The following COL24A1 variants were observed in gnomAD, a reference collection of about 807,000 sequenced individuals.
COL24A1 encodes the protein collagen type XXIV alpha 1 chain.
In COL24A1, 224 loss-of-function variants were observed where a neutral mutation model predicts 253.9. The ratio of observed to expected loss-of-function variants is 0.88; its 90% confidence interval spans 0.79 to 0.99. The LOEUF (loss-of-function observed/expected upper bound fraction) is 0.99. Among genes scored for constraint, COL24A1 ranks in the 50% least tolerant of loss-of-function variants. The probability of loss-of-function intolerance (pLI) is 0.00; values close to 1 mark genes in which losing one functional copy is unlikely to be tolerated. For missense variants in COL24A1, 2,131 were observed against 2,068.5 expected (o/e 1.03, Z -0.59); for synonymous variants, 685 against 673.7 (o/e 1.02, Z -0.26).
intron 22 of COL24A1, among the ~76,000 whole-genome samples, chr1:85,965,470 C>T (rs1161070128): frequency 1.3e-5 from 2 of 152,028 alleles, no homozygotes; most frequent in East Asian, 1.9e-4. Context: ...AGGAAAGAAG[C>T]CCTCACCGAA....
At chr1:85,885,377 GTA>G (rs1553213698) in intron 32 of COL24A1, among the ~76,000 whole-genome samples, 36 of 135,946 alleles carry the variant, frequency 2.6e-4, no homozygotes, top group Admixed American at 2.0e-3. Flanking sequence ...ATTTTTGTGT[GTA>G]TATATATATA....
chr1:85,832,410 C>A (rs1307425922), intron 43 of COL24A1, among the ~76,000 whole-genome samples: 1 of 151,948 alleles, frequency 6.6e-6, no homozygotes, highest in African/African-American at 2.4e-5. Flanking sequence ...GCAATGTGGG[C>A]TCTTTTTTGG....
At chr1:85,987,542 A>T in intron 20 of COL24A1, 59 bp downstream of exon 20, 1 of 1,389,072 alleles carries the variant, frequency 7.2e-7, no homozygotes, top group African/African-American at 1.4e-5. Context: ...CCATTTATTG[A>T]GAATCAGGAG....
intron 20 of COL24A1, among the ~76,000 whole-genome samples, chr1:85,986,385 G>A (rs1259442395): frequency 6.6e-6 from 1 of 151,560 alleles, no homozygotes; most frequent in Admixed American, 6.6e-5. Flanking sequence ...TGACATAAGA[G>A]GTATCTTTTT....
intron 47 of COL24A1, among the ~76,000 whole-genome samples, chr1:85,798,066 G>T (rs1671015848): frequency 6.6e-6 from 1 of 151,956 alleles, no homozygotes; most frequent in African/African-American, 2.4e-5. Context: ...ATGTGGTGGT[G>T]CATGCCTGTA....
chr1:85,923,916 C>G (rs901432094), intron 24 of COL24A1, among the ~76,000 whole-genome samples: 18 of 152,080 alleles, frequency 1.2e-4, no homozygotes, highest in African/African-American at 3.4e-4. Context: ...AATTGATAGA[C>G]TGCTAGCAAG....
At chr1:86,015,329 G>T (rs1018663803) in intron 19 of COL24A1, among the ~76,000 whole-genome samples, 1 of 152,146 alleles carries the variant, frequency 6.6e-6, no homozygotes, top group African/African-American at 2.4e-5. Context: ...AAATGCTGGG[G>T]CTCAGGACCT....
intron 7 of COL24A1, among the ~76,000 whole-genome samples, chr1:86,073,320 G>A (rs1265684989): frequency 2.6e-5 from 4 of 152,096 alleles, no homozygotes; most frequent in Non-Finnish European, 5.9e-5. Context: ...CAAGAACTTG[G>A]TGAAGCATAG....
chr1:85,848,745 C>T (rs1476968084), intron 38 of COL24A1, among the ~76,000 whole-genome samples: 1 of 152,138 alleles, frequency 6.6e-6, no homozygotes, highest in Non-Finnish European at 1.5e-5. Context: ...CTACTGTGAA[C>T]ACAGTTGGAC....
intron 19 of COL24A1, among the ~76,000 whole-genome samples, chr1:86,016,543 T>C (rs1249721918): frequency 1.3e-5 from 2 of 152,196 alleles, no homozygotes; most frequent in African/African-American, 4.8e-5. Context: ...TTTTTGAAAC[T>C]AGAGTGAGCT....
chr1:85,799,105 G>A (rs977304490), intron 47 of COL24A1, among the ~76,000 whole-genome samples: 2 of 151,770 alleles, frequency 1.3e-5, no homozygotes, highest in Non-Finnish European at 2.9e-5. Flanking sequence ...CACAGGCAAC[G>A]GTGAGCCTCC....
chr1:85,818,948 A>G (rs1252532103), intron 45 of COL24A1, among the ~76,000 whole-genome samples: 1 of 152,252 alleles, frequency 6.6e-6, no homozygotes, highest in Non-Finnish European at 1.5e-5. Flanking sequence ...CAAAGAAACA[A>G]CTTCAAAAGA....
At chr1:86,148,767 G>C (rs1208405144) in intron 1 of COL24A1, among the ~76,000 whole-genome samples, 3 of 152,060 alleles carry the variant, frequency 2.0e-5, no homozygotes, top group Non-Finnish European at 4.4e-5. Flanking sequence ...CATTTGGGTT[G>C]GTTCCAAGTC....
chr1:85,965,943 C>T (rs760035974), intron 22 of COL24A1, among the ~76,000 whole-genome samples: 1 of 152,124 alleles, frequency 6.6e-6, no homozygotes, highest in Non-Finnish European at 1.5e-5. Flanking sequence ...AGGACTTTGA[C>T]TTTTAACTGA....
At chr1:85,949,312 C>T (rs1413278611) in intron 24 of COL24A1, among the ~76,000 whole-genome samples, 3 of 152,064 alleles carry the variant, frequency 2.0e-5, no homozygotes, top group Admixed American at 6.5e-5. Context: ...ATATAAATAT[C>T]TAATACACAG....
intron 11 of COL24A1, among the ~76,000 whole-genome samples, chr1:86,047,848 A>G (rs2101656099): frequency 1.3e-5 from 2 of 152,184 alleles, no homozygotes; most frequent in Admixed American, 1.3e-4. Context: ...TGATACTATC[A>G]CTTTGAGATT....
chr1:85,850,066 TTAAAAA>T (rs1222663390), intron 37 of COL24A1, among the ~76,000 whole-genome samples: 7 of 152,248 alleles, frequency 4.6e-5, no homozygotes, highest in African/African-American at 1.7e-4. Context: ...CATATAAAAC[TTAAAAA>T]TAATATTTTC....
chr1:86,146,167 A>C lies in COL24A1; in HGVS notation c.73T>G (p.Phe25Val). 1 of 1,610,810 alleles carries C rather than the reference A, an allele frequency of 6.2e-7. No individual in the cohort carries two copies. Residue 25 changes from phenylalanine to valine, a missense_variant, in exon 2 of 60, where the codon TTT (phenylalanine) becomes GTT (valine). Transcript: ENST00000370571. ...ACCCCAGCCACACATAGTACAATAAAATGAAGAAGTGATTTCCTAGGAAAA... is the reference window on the plus strand; with the variant it reads ...ACCCCAGCCACACATAGTACAATAACATGAAGAAGTGATTTCCTAGGAAAA... Reference protein sequence around the residue: ...PTAKTKSLLHFIVLCVAGVVV... With the variant: ...PTAKTKSLLHVIVLCVAGVVV...
intron 3 of COL24A1, among the ~76,000 whole-genome samples, chr1:86,116,665 T>C (rs1277613532): frequency 1.3e-5 from 2 of 152,232 alleles, no homozygotes; most frequent in Admixed American, 1.3e-4. Context: ...TCACATTTTT[T>C]GATATTAACT....
Sources: gnomAD v4.1 joint callset for allele counts (sites outside exome capture counted in the v4.1 genomes callset) on GRCh38, gnomAD v4.1.1 for gene constraint, MANE v1.5 for transcripts, NCBI Gene and HGNC (gene_info 2026-07-23, HGNC 2026-07-21) for gene names.